Variants in PRMT3 observed in about 807,000 individuals in gnomAD.
PRMT3 encodes the protein protein arginine methyltransferase 3.
PRMT3 carries 62 observed loss-of-function variants against 71.9 expected under a neutral mutation model. That is an observed-to-expected ratio of 0.86 (90% confidence interval 0.70 to 1.07). PRMT3 has a LOEUF of 1.07. Ranked by LOEUF, PRMT3 falls within the 50% of genes least tolerant of loss-of-function variation. The pLI, the probability that PRMT3 is intolerant of heterozygous loss-of-function variation, is 0.00. For synonymous variants in PRMT3, 213 were observed against 220.4 expected (o/e 0.97, Z 0.30); for missense variants, 663 against 643.0 (o/e 1.03, Z -0.34).
At chr11:20,434,540 G>T (rs770354268) in intron 10 of PRMT3, among the ~76,000 whole-genome samples, 1 of 152,080 alleles carries the variant, frequency 6.6e-6, no homozygotes, top group Non-Finnish European at 1.5e-5. Context: ...CCCATCTTGA[G>T]TTGAAAGGAA....
rs1849405049 is a variant in PRMT3, at chr11:20,420,618, A to G, written c.894-6148A>G. ...CCTTACAAGAATCTAATATCTGATGATCTGAGGTGGCAGTTTCATCCCAAA... is the reference window on the plus strand; with the variant it reads ...CCTTACAAGAATCTAATATCTGATGGTCTGAGGTGGCAGTTTCATCCCAAA... On this transcript the variant is annotated intron_variant, in intron 9 of 15. Coordinates refer to ENST00000331079, the MANE Select transcript of PRMT3 (RefSeq NM_005788.4). Among the ~76,000 whole-genome samples, 7 of 152,280 alleles carry G rather than the reference A, an allele frequency of 4.6e-5. No individual in the cohort carries two copies. In the South Asian group the frequency reaches 1.4e-3, roughly 32 times the overall value.
intron 15 of PRMT3, among the ~76,000 whole-genome samples, chr11:20,499,131 A>G (rs1311961964): frequency 6.6e-6 from 1 of 152,260 alleles, no homozygotes; most frequent in Non-Finnish European, 1.5e-5. Context: ...ATATATGGCA[A>G]TGATAACCAA....
At chr11:20,428,170 A>C (rs1054509154) in intron 10 of PRMT3, among the ~76,000 whole-genome samples, 8 of 152,102 alleles carry the variant, frequency 5.3e-5, no homozygotes, top group African/African-American at 9.7e-5. Context: ...TTGTATCAGC[A>C]CTCTGATTTC....
At position 20,462,100 on chromosome 11, in the gene PRMT3, T is replaced by A; in HGVS notation, c.1193T>A (p.Val398Asp). The change falls in exon 12 of 16, where the codon GTT (valine) becomes GAT (aspartate). Residue 398 changes from valine (V) to aspartate (D), a missense_variant. Transcript: ENST00000331079. ...AAGATGTCCTGCATGAAGAAAGCAG[T>A]TATTCCAGAAGCTGTTGTGGAAGTT... ...GFKMSCMKKA[V>D]IPEAVVEVLD... The A allele has an allele frequency of 6.2e-7, 1 of 1,613,182 alleles. No individual in the cohort carries two copies. Among genetic ancestry groups the A allele is most frequent in the Non-Finnish European group, 8.5e-7 (1 of 1,179,380 alleles).
At chr11:20,465,109 T>TAG (rs1309342778) in intron 13 of PRMT3, among the ~76,000 whole-genome samples, 5 of 152,142 alleles carry the variant, frequency 3.3e-5, no homozygotes, top group Non-Finnish European at 7.4e-5. Flanking sequence ...CTTCAGACTA[T>TAG]TCAGTTGCTT....
intron 15 of PRMT3, among the ~76,000 whole-genome samples, chr11:20,505,638 A>G (rs1405986152): frequency 6.6e-6 from 1 of 152,252 alleles, no homozygotes; most frequent in East Asian, 1.9e-4. Flanking sequence ...TAACTTAAAT[A>G]GAAGTTTTTA....
At chr11:20,444,852 C>G (rs1031997255) in intron 10 of PRMT3, among the ~76,000 whole-genome samples, 1 of 151,942 alleles carries the variant, frequency 6.6e-6, no homozygotes, top group Non-Finnish European at 1.5e-5. Context: ...ACCTATAGTT[C>G]AGGGTTGTCT....
intron 13 of PRMT3, among the ~76,000 whole-genome samples, chr11:20,468,299 TTCTC>T (rs1850559327): frequency 6.6e-6 from 1 of 152,158 alleles, no homozygotes; most frequent in Admixed American, 6.5e-5. Flanking sequence ...AGTGGAGAAT[TTCTC>T]TATTATAGTT....
intron 7 of PRMT3, among the ~76,000 whole-genome samples, chr11:20,401,948 A>G (rs1166212792): frequency 6.6e-6 from 1 of 152,192 alleles, no homozygotes; most frequent in Non-Finnish European, 1.5e-5. Context: ...TACAGACAAA[A>G]CAGGAATGTA....
chr11:20,420,458 G>T (rs1189477609), intron 9 of PRMT3, among the ~76,000 whole-genome samples: 1 of 152,206 alleles, frequency 6.6e-6, no homozygotes. Context: ...GGGCCACACA[G>T]CAGGAGGTGA....
intron 13 of PRMT3, among the ~76,000 whole-genome samples, chr11:20,483,811 C>A (rs534143666): frequency 6.6e-6 from 1 of 152,284 alleles, no homozygotes; most frequent in South Asian, 2.1e-4. Context: ...GATCCCTGCT[C>A]GTCTTTAAGG....
intron 10 of PRMT3, among the ~76,000 whole-genome samples, chr11:20,438,696 CT>C (rs1301655024): frequency 6.6e-6 from 1 of 152,144 alleles, no homozygotes; most frequent in Non-Finnish European, 1.5e-5. Context: ...TGGGGCATTA[CT>C]GTTCTGGGCA....
intron 15 of PRMT3, among the ~76,000 whole-genome samples, chr11:20,506,515 G>A (rs994985691): frequency 6.6e-6 from 1 of 152,160 alleles, no homozygotes; most frequent in Non-Finnish European, 1.5e-5. Flanking sequence ...CAAAGATGTA[G>A]AGAAGGTATC....
At chr11:20,443,074 T>C (rs1003693758) in intron 10 of PRMT3, among the ~76,000 whole-genome samples, 2 of 152,328 alleles carry the variant, frequency 1.3e-5, no homozygotes, top group Non-Finnish European at 2.9e-5. Context: ...CATTTGACTT[T>C]CTTACCAACA....
chr11:20,428,558 G>C (rs1444130107), intron 10 of PRMT3, among the ~76,000 whole-genome samples: 1 of 152,182 alleles, frequency 6.6e-6, no homozygotes, highest in Non-Finnish European at 1.5e-5. Context: ...ATATCTTAGA[G>C]CCAGCTGGTT....
At chr11:20,394,860 A>G (rs1408992215) in intron 5 of PRMT3, among the ~76,000 whole-genome samples, 1 of 152,090 alleles carries the variant, frequency 6.6e-6, no homozygotes, top group Non-Finnish European at 1.5e-5. Flanking sequence ...GCTTCACATA[A>G]TGTCCTCCAT....
intron 11 of PRMT3, among the ~76,000 whole-genome samples, chr11:20,461,420 A>G (rs1850380063): frequency 6.6e-6 from 1 of 152,214 alleles, no homozygotes; most frequent in African/African-American, 2.4e-5. Flanking sequence ...TAGTCTAAAT[A>G]TAAGTTTATT....
At chr11:20,505,091 G>A (rs993309892) in intron 15 of PRMT3, among the ~76,000 whole-genome samples, 1 of 152,060 alleles carries the variant, frequency 6.6e-6, no homozygotes, top group Non-Finnish European at 1.5e-5. Flanking sequence ...TTGCTAGTAC[G>A]TAGAAATAGA....
chr11:20,409,311 A>G (rs535784110), intron 9 of PRMT3, among the ~76,000 whole-genome samples: 77 of 152,282 alleles, frequency 5.1e-4, no homozygotes, highest in Non-Finnish European at 5.9e-4. Flanking sequence ...AAGTACATCT[A>G]ACGTGTTAGA....
Sources: allele counts gnomAD v4.1 joint callset (sites outside exome capture counted in the v4.1 genomes callset), GRCh38; gene constraint gnomAD v4.1.1; transcripts MANE v1.5; gene names NCBI Gene and HGNC (gene_info 2026-07-23, HGNC 2026-07-21).